MAP3K5: variants seen among roughly 807,000 people sequenced by gnomAD.
MAP3K5 encodes the protein mitogen-activated protein kinase kinase kinase 5.
Under a neutral mutation model 158.7 loss-of-function variants are expected in MAP3K5, and 56 were observed. The observed-to-expected ratio is 0.35, with a 90% CI of 0.28 to 0.44. The LOEUF (loss-of-function observed/expected upper bound fraction) is 0.44. Ranked by LOEUF, MAP3K5 falls within the 20% of genes least tolerant of loss-of-function variation. The pLI is 1.00. For synonymous variants in MAP3K5, 579 were observed against 601.7 expected (o/e 0.96, Z 0.55); for missense variants, 1,294 against 1,674.8 (o/e 0.77, Z 3.97).
chr6:136,725,382 C>A (rs1157634902), intron 1 of MAP3K5, among the ~76,000 whole-genome samples: 2 of 152,154 alleles, frequency 1.3e-5, no homozygotes, highest in Non-Finnish European at 2.9e-5. Context: ...GTCCGTTTTT[C>A]TTCTAAAGCC....
In MAP3K5 at chr6:136,791,945, G is replaced by C. The variant is rs763737128; in HGVS notation, c.213C>G (p.Thr71=). The C allele has an allele frequency of 1.4e-5, 23 of 1,611,248 alleles. No homozygotes were observed. In the South Asian group the frequency reaches 2.3e-4, roughly 16 times the overall value. ...AAPGIGCPAA[T]SSSSATRGRG... ...GGCCTCGGGTGGCACTGCTCGAGGAGGTGGCCGCCGGACAACCGATGCCAG... is the reference window on the plus strand; with the variant it reads ...GGCCTCGGGTGGCACTGCTCGAGGACGTGGCCGCCGGACAACCGATGCCAG... Residue 71 remains threonine (T), a synonymous_variant, in exon 1 of 30, where the codon ACC becomes ACG. Transcript: ENST00000359015.
chr6:136,648,848 G>A (rs529342839), intron 11 of MAP3K5, among the ~76,000 whole-genome samples: 2 of 152,344 alleles, frequency 1.3e-5, no homozygotes, highest in Admixed American at 1.3e-4. Context: ...TTATGGACAT[G>A]CTGTGTTGTT....
intron 8 of MAP3K5, among the ~76,000 whole-genome samples, chr6:136,664,569 G>A (rs1380137940): frequency 1.3e-5 from 2 of 152,074 alleles, no homozygotes; most frequent in African/African-American, 4.8e-5. Flanking sequence ...GGGATTATTT[G>A]ACTTATTTCT....
rs117334069 is a variant in MAP3K5 at position 136,658,904 on chromosome 6, C to T, written c.1526+315G>A. On this transcript the variant is annotated intron_variant, in intron 9 of 29. Transcript: ENST00000359015. ...GCAATGGAAATGTGGTCTCAGGCCC[C>T]GAACATAAGTTATATTTGCAGGTGC... Among the ~76,000 whole-genome samples, 1,274 of 152,266 alleles carry T rather than the reference C, an allele frequency of 8.4e-3. 8 individuals are homozygous for T. The highest frequency in any genetic ancestry group is 0.031 in the Middle Eastern group (9 of 294).
intron 14 of MAP3K5, among the ~76,000 whole-genome samples, chr6:136,634,891 T>C (rs984754982): frequency 1.3e-5 from 2 of 148,924 alleles, no homozygotes; most frequent in Non-Finnish European, 3.0e-5. Flanking sequence ...TTTCTTCTCT[T>C]TTTTTTTTTT....
chr6:136,594,748 C>CAGACTAGTACT (rs1243639619), intron 21 of MAP3K5, among the ~76,000 whole-genome samples: 1 of 152,044 alleles, frequency 6.6e-6, no homozygotes, highest in Non-Finnish European at 1.5e-5. Flanking sequence ...GAGACTAGTA[C>CAGACTAGTACT]AGACTAGACT....
At chr6:136,749,611 C>T (rs923647151) in intron 1 of MAP3K5, among the ~76,000 whole-genome samples, 6 of 151,470 alleles carry the variant, frequency 4.0e-5, no homozygotes, top group Admixed American at 6.7e-5. Context: ...TTGCCTCCTA[C>T]GAGATTTCCT....
At chr6:136,699,001 G>T (rs1780731010) in intron 3 of MAP3K5, among the ~76,000 whole-genome samples, 2 of 152,136 alleles carry the variant, frequency 1.3e-5, no homozygotes, top group Admixed American at 6.6e-5. Context: ...ATGGCCTTCA[G>T]CTTTCAGGGA....
rs951932604 is a variant in MAP3K5 at position 136,764,147 on chromosome 6, T to C, written c.448+27563A>G. The stretch of plus-strand genomic sequence containing the variant: ...CACACCCAGATGACATATGCAAGAA[T>C]GTTCAGACCATGGTAGATGTTTCCA... On this transcript the variant is annotated intron_variant, in intron 1 of 29. Coordinates refer to ENST00000359015, the MANE Select transcript of MAP3K5 (RefSeq NM_005923.4). Among the ~76,000 whole-genome samples, 12 of 152,320 alleles carry C rather than the reference T, an allele frequency of 7.9e-5. No individual in the cohort carries two copies. In the East Asian group the frequency reaches 2.3e-3, roughly 29 times the overall value.
intron 23 of MAP3K5, 88 bp from the exon 24 acceptor site, chr6:136,583,828 A>ATT: frequency 2.4e-6 from 3 of 1,247,554 alleles, no homozygotes; most frequent in Non-Finnish European, 3.4e-6. Flanking sequence ...CTGCCCCCAC[A>ATT]TTTTTTTTTC....
At chr6:136,742,366 G>A (rs967956365) in intron 1 of MAP3K5, among the ~76,000 whole-genome samples, 2 of 151,414 alleles carry the variant, frequency 1.3e-5, no homozygotes, top group Non-Finnish European at 2.9e-5. Flanking sequence ...AGAAGCAGAG[G>A]CAATATAATG....
intron 1 of MAP3K5, among the ~76,000 whole-genome samples, chr6:136,765,955 T>C (rs892860338): frequency 6.6e-6 from 1 of 152,114 alleles, no homozygotes; most frequent in Non-Finnish European, 1.5e-5. Context: ...AGTCTAAATT[T>C]TGTCATAAAA....
At chr6:136,737,777 T>C (rs1300120284) in intron 1 of MAP3K5, among the ~76,000 whole-genome samples, 1 of 152,194 alleles carries the variant, frequency 6.6e-6, no homozygotes. Flanking sequence ...TCAAGTGCAA[T>C]GGCTGGACAT....
At chr6:136,616,435 G>T (rs1395370170) in intron 15 of MAP3K5, among the ~76,000 whole-genome samples, 1 of 151,334 alleles carries the variant, frequency 6.6e-6, no homozygotes, top group African/African-American at 2.4e-5. Flanking sequence ...CTCCCAAGTA[G>T]CTGGGATTAC....
chr6:136,742,957 C>A (rs1219440916), intron 1 of MAP3K5, among the ~76,000 whole-genome samples: 5 of 152,120 alleles, frequency 3.3e-5, no homozygotes, highest in African/African-American at 1.2e-4. Flanking sequence ...CTTGGGGAGG[C>A]CAAGGCAGGA....
At chr6:136,661,496 A>T (rs1779004519) in intron 8 of MAP3K5, among the ~76,000 whole-genome samples, 1 of 152,166 alleles carries the variant, frequency 6.6e-6, no homozygotes, top group Non-Finnish European at 1.5e-5. Context: ...TCTGGGCTCA[A>T]GTGATCCTTC....
At chr6:136,708,141 T>G (rs1388643907) in intron 2 of MAP3K5, among the ~76,000 whole-genome samples, 1 of 152,262 alleles carries the variant, frequency 6.6e-6, no homozygotes, top group Non-Finnish European at 1.5e-5. Context: ...TATATCATTT[T>G]GTACTTTTAA....
chr6:136,772,163 C>T (rs1475182367), intron 1 of MAP3K5, among the ~76,000 whole-genome samples: 1 of 151,048 alleles, frequency 6.6e-6, no homozygotes, highest in Admixed American at 6.6e-5. Flanking sequence ...GTGATCTGCG[C>T]CCCTCGGCCT....
At chr6:136,695,164 G>C (rs1202804129) in intron 6 of MAP3K5, among the ~76,000 whole-genome samples, 3 of 152,172 alleles carry the variant, frequency 2.0e-5, no homozygotes, top group Admixed American at 6.5e-5. Context: ...TGGAGACAGA[G>C]TCTTGCTCTG....
Sources: allele counts gnomAD v4.1 joint callset (sites outside exome capture counted in the v4.1 genomes callset), GRCh38; gene constraint gnomAD v4.1.1; transcripts MANE v1.5; gene names NCBI Gene and HGNC (gene_info 2026-07-23, HGNC 2026-07-21).